PPM1F: variants seen among roughly 807,000 people sequenced by gnomAD.
PPM1F encodes the protein protein phosphatase, Mg2+/Mn2+ dependent 1F.
In PPM1F, 17 loss-of-function variants were observed where a neutral mutation model predicts 35.5. That is an observed-to-expected ratio of 0.48 (90% CI 0.33 to 0.72). The LOEUF (loss-of-function observed/expected upper bound fraction) is 0.72. Among genes scored for constraint, PPM1F ranks in the 30% least tolerant of loss-of-function variants. The pLI is 0.02. For synonymous variants in PPM1F, 241 were observed against 255.5 expected, an observed-to-expected ratio of 0.94 and a Z score of 0.54; for missense variants, 521 against 613.0, an observed-to-expected ratio of 0.85 and a Z score of 1.59.
At chr22:21,938,453 G>A (rs2070687609) in intron 3 of PPM1F, 2 of 1,135,596 alleles carry the variant, frequency 1.8e-6, no homozygotes, top group South Asian at 3.4e-5. Flanking sequence ...GAGGACGAGA[G>A]CGAGGAGGAG....
At chr22:21,927,533 A>T (rs911010959) in intron 6 of PPM1F, among the ~76,000 whole-genome samples, 1 of 152,212 alleles carries the variant, frequency 6.6e-6, no homozygotes, top group Non-Finnish European at 1.5e-5. Context: ...ATGAACGGCA[A>T]TCTGCTTCCC....
chr22:21,949,178 G>C (rs2070809632), intron 1 of PPM1F: 1 of 152,466 alleles, frequency 6.6e-6, no homozygotes, highest in Admixed American at 6.5e-5. Context: ...TGCATCTGTA[G>C]AGGGGACAGG....
In PPM1F at chr22:21,926,019, G is replaced by T. The variant is rs1569125965; in HGVS notation, c.892-357C>A. On this transcript the variant is annotated intron_variant, in intron 6 of 7. Coordinates refer to ENST00000263212, the MANE Select transcript of PPM1F (RefSeq NM_014634.4). ...TCTGCTTCCCTGTCTCTAGCTCGGG[G>T]ACACCGTCTCTGCCCTGAAAGCTGC... 1.2e-5 allele frequency: 3 copies of T among 241,560 alleles called. No individual in the cohort carries two copies. The Admixed American group carries it at 1.6e-4, about 13-fold the overall frequency. 15.0% of individuals were successfully genotyped at this position (241,560 alleles called of 1,614,324 possible). A position where few individuals can be genotyped will look rare whatever the true frequency, so the allele number is the denominator to read the frequency against.
rs1198632504 is a variant in PPM1F at position 21,921,814 on chromosome 22, A to T, written c.*1278T>A. 6.6e-6 allele frequency: 1 copy of T among 152,262 alleles called. No homozygotes were observed. The highest frequency in any genetic ancestry group is 1.9e-4 in the East Asian group (1 of 5,200). 9.4% of individuals were successfully genotyped at this position (152,262 alleles called of 1,614,324 possible). ...TTCACAAGATATTTGGGAATGTTCC[A>T]ATCACACAGCAGCAAGGTCCCTCTG... On this transcript the variant is annotated 3_prime_UTR_variant, in exon 8 of 8. Coordinates refer to ENST00000263212, the MANE Select transcript of PPM1F (RefSeq NM_014634.4).
rs965625924 is a variant in PPM1F at position 21,922,744 on chromosome 22, C to T, written c.*348G>A. On this transcript the variant is annotated 3_prime_UTR_variant, in exon 8 of 8. Coordinates refer to ENST00000263212, the MANE Select transcript of PPM1F (RefSeq NM_014634.4). ...TGGGTCCGCCCCAGGGTCCCACGTG[C>T]ACAACCATGCTGCCCCATGCACACC... 9 of 214,816 alleles carry T rather than the reference C, an allele frequency of 4.2e-5. No homozygotes were observed. The highest frequency in any genetic ancestry group is 7.3e-5 in the Non-Finnish European group (8 of 109,452). The allele number at this position is 214,816 out of a possible 1,614,324, so 13.3% of individuals were successfully genotyped here.
At chr22:21,932,599 G>A (rs2070605396) in intron 5 of PPM1F, 1 of 152,164 alleles carries the variant, frequency 6.6e-6, no homozygotes, top group Non-Finnish European at 1.5e-5. Flanking sequence ...AGGGCTACAA[G>A]GAGGACCTAG....
intron 1 of PPM1F, chr22:21,946,846 CA>C (rs1457799204): frequency 6.6e-6 from 1 of 152,302 alleles, no homozygotes; most frequent in Non-Finnish European, 1.5e-5. Context: ...GCACTGTGGA[CA>C]GTTCCAGGCG....
Position 21,919,487 on chromosome 22 carries a change from C to G in PPM1F, c.*3605G>C, listed in dbSNP as rs1292895180. Reference sequence around the variant, plus strand: ...GGTCCTTGGGAGACTGCCTTTCTGGCATCTTGGGACTTGTCCCTAAGAATA... The same window carrying G: ...GGTCCTTGGGAGACTGCCTTTCTGGGATCTTGGGACTTGTCCCTAAGAATA... On this transcript the variant is annotated 3_prime_UTR_variant, in exon 8 of 8. Transcript: ENST00000263212. The G allele has an allele frequency of 1.3e-5, 2 of 152,668 alleles. No individual in the cohort carries two copies. The highest frequency in any genetic ancestry group is 2.9e-5 in the Non-Finnish European group (2 of 68,050). 9.5% of individuals were successfully genotyped at this position (152,668 alleles called of 1,614,324 possible). A position where few individuals can be genotyped will look rare whatever the true frequency, so the allele number is the denominator to read the frequency against.
intron 1 of PPM1F, chr22:21,949,228 G>C (rs976745438): frequency 6.6e-6 from 1 of 152,216 alleles, no homozygotes; most frequent in African/African-American, 2.4e-5. Context: ...GCCTGCTCTT[G>C]TTACAAAGGC....
intron 3 of PPM1F, chr22:21,937,855 G>C: frequency 3.4e-6 from 1 of 297,440 alleles, no homozygotes; most frequent in Non-Finnish European, 6.6e-6. Flanking sequence ...CCGCAACCTC[G>C]CTTCTGGATT....
chr22:21,945,697 G>A, intron 2 of PPM1F, 146 bp downstream of exon 2: 7 of 753,192 alleles, frequency 9.3e-6, no homozygotes, highest in Admixed American at 5.9e-5. Context: ...TAGCAGCCAC[G>A]GGAGTTCCAC....
At chr22:21,941,606 TA>T (rs1327101546) in intron 2 of PPM1F, 1 of 152,270 alleles carries the variant, frequency 6.6e-6, no homozygotes. Flanking sequence ...TGAATGAGGA[TA>T]GGGGGCTGAG....
chr22:21,945,455 GAC>G, intron 2 of PPM1F: 1 of 199,992 alleles, frequency 5.0e-6, no homozygotes, highest in South Asian at 7.8e-5. Flanking sequence ...TGAAGGCACA[GAC>G]ACACACATGG....
rs1422119262 is a variant in PPM1F, at chr22:21,923,339, C to A, written c.1118G>T (p.Gly373Val). The A allele has an allele frequency of 1.2e-6, 2 of 1,613,746 alleles. No homozygotes were observed. Among genetic ancestry groups the A allele is most frequent in the South Asian group, 1.1e-5 (1 of 91,076 alleles). Reference sequence around the variant, plus strand: ...CCTGGTCAGGTGGCTCTGGACCAGGCCAACAACTTCCTGGTGGGGTACGAC... The same window carrying A: ...CCTGGTCAGGTGGCTCTGGACCAGGACAACAACTTCCTGGTGGGGTACGAC... ...FDVVPHQEVV[G>V]LVQSHLTRQQ... Residue 373 changes from glycine to valine, a missense_variant, in exon 8 of 8, where the codon GGC becomes GTC. By Grantham distance (109) the Gly-to-Val change is moderately radical. Coordinates refer to ENST00000263212, the MANE Select transcript of PPM1F (RefSeq NM_014634.4).
intron 6 of PPM1F, among the ~76,000 whole-genome samples, chr22:21,928,323 C>T (rs1199691644): frequency 6.6e-6 from 1 of 152,192 alleles, no homozygotes; most frequent in African/African-American, 2.4e-5. Context: ...CCTGCAGAGC[C>T]GGGACTCCTA....
rs1221384624 is a variant in PPM1F, at chr22:21,939,214, C to A, written c.355+318G>T. ...ACCAGAGATCGATCACCTGTGAGAT[C>A]CTCTGTGAAACGGGATAAGCATCTT... is the stretch of plus-strand genomic sequence containing the variant. On this transcript the variant is annotated intron_variant, in intron 3 of 7. Coordinates refer to ENST00000263212, the MANE Select transcript of PPM1F (RefSeq NM_014634.4). The surrounding 1 kb of genome is among the most constrained non-coding windows in gnomAD (Gnocchi z 5.1). 3.2e-6 allele frequency: 1 copy of A among 313,530 alleles called. No individual in the cohort carries two copies. Among genetic ancestry groups the A allele is most frequent in the Non-Finnish European group, 6.0e-6 (1 of 166,190 alleles). The allele number at this position is 313,530 out of a possible 1,614,324, so 19.4% of individuals were successfully genotyped here.
chr22:21,938,073 G>C (rs1469590510), intron 3 of PPM1F: 1 of 1,273,260 alleles, frequency 7.9e-7, no homozygotes, highest in Non-Finnish European at 1.0e-6. Flanking sequence ...CTGCATGCGA[G>C]GCACTCTGAC....
intron 3 of PPM1F, chr22:21,938,091 G>A: frequency 7.8e-7 from 1 of 1,288,272 alleles, no homozygotes; most frequent in Non-Finnish European, 1.0e-6. Context: ...GACAGACGGG[G>A]AAGCAAGGGC....
intron 1 of PPM1F, chr22:21,948,341 AAAG>A (rs2070800177): frequency 6.8e-6 from 1 of 146,544 alleles, no homozygotes; most frequent in African/African-American, 2.5e-5. Flanking sequence ...AAAGAAAAAA[AAAG>A]AACATAAAGC....
Sources: allele counts gnomAD v4.1 joint callset (sites outside exome capture counted in the v4.1 genomes callset), GRCh38; gene constraint gnomAD v4.1.1; non-coding constraint Gnocchi (gnomAD v3.1); transcripts MANE v1.5; gene names NCBI Gene and HGNC (gene_info 2026-07-23, HGNC 2026-07-21).